The following MARCHF6 variants were observed in gnomAD, a reference collection of about 807,000 sequenced individuals.
MARCHF6 encodes membrane associated ring-CH-type finger 6.
MARCHF6 carries 31 observed loss-of-function variants against 133.7 expected under a neutral mutation model. That is an observed-to-expected ratio of 0.23 (90% CI 0.17 to 0.31). The LOEUF (loss-of-function observed/expected upper bound fraction) is 0.31. MARCHF6 is among the 10% of genes least tolerant of loss of function. The pLI is 1.00. For synonymous variants in MARCHF6, 395 were observed against 402.5 expected (o/e 0.98, Z 0.22); for missense variants, 723 against 1,121.6 (o/e 0.64, Z 5.08).
At chr5:10,388,097 A>G (rs1007560050) in intron 5 of MARCHF6, among the ~76,000 whole-genome samples, 1 of 152,200 alleles carries the variant, frequency 6.6e-6, no homozygotes, top group African/African-American at 2.4e-5. Context: ...GATATTAAGC[A>G]TTGTTGCTTG....
chr5:10,423,881 G>T, intron 23 of MARCHF6, 57 bp downstream of exon 23: 1 of 1,324,670 alleles, frequency 7.5e-7, no homozygotes, highest in South Asian at 1.2e-5. Flanking sequence ...GTTTATGTTT[G>T]GCAGCTATAA....
At position 10,353,882 on chromosome 5, in the gene MARCHF6, C is replaced by T; in HGVS notation, c.-17C>T. 1 of 1,562,062 alleles carries T rather than the reference C, an allele frequency of 6.4e-7. No individual in the cohort carries two copies. The highest frequency in any genetic ancestry group is 1.4e-5 in the African/African-American group (1 of 72,916). ...CGGGAGCCTCGTGGCTGCGTCACCG[C>T]CGCCCCCCCAGACAAGATGGACACC... On this transcript the variant is annotated 5_prime_UTR_variant, in exon 1 of 26. Transcript: ENST00000274140.
intron 1 of MARCHF6, among the ~76,000 whole-genome samples, chr5:10,369,611 C>CG (rs1220102710): frequency 7.6e-5 from 2 of 26,486 alleles, no homozygotes; most frequent in African/African-American, 1.6e-4. Context: ...TTACCCCCCC[C>CG]CCCCCTTGCA....
chr5:10,376,167 T>C (rs952910719), intron 1 of MARCHF6, among the ~76,000 whole-genome samples: 3 of 152,122 alleles, frequency 2.0e-5, no homozygotes, highest in Non-Finnish European at 4.4e-5. Flanking sequence ...CTTTTTGCAA[T>C]AAATCTTGCT....
chr5:10,374,119 AT>A (rs938050503), intron 1 of MARCHF6, among the ~76,000 whole-genome samples: 1 of 152,030 alleles, frequency 6.6e-6, no homozygotes, highest in African/African-American at 2.4e-5. Context: ...TTAATACCCT[AT>A]CTAAAGAATG....
intron 15 of MARCHF6, among the ~76,000 whole-genome samples, 179 bp downstream of exon 15, chr5:10,403,720 T>TGTTTGTTACCAACTGAAACA (rs1738693714): frequency 6.6e-6 from 1 of 152,244 alleles, no homozygotes; most frequent in African/African-American, 2.4e-5. Flanking sequence ...CTGTTTCAGT[T>TGTTTGTTACCAACTGAAACA]GTTTGTCTCC....
At chr5:10,394,706 G>A in intron 8 of MARCHF6, 47 bp from the exon 9 acceptor site, 1 of 1,457,324 alleles carries the variant, frequency 6.9e-7, no homozygotes, top group Non-Finnish European at 9.5e-7. Context: ...AGAATAGAAA[G>A]TTCTGTTGCA....
At chr5:10,410,114 A>G (rs72740444) in intron 17 of MARCHF6, 25 bp from the exon 18 acceptor site, 27,481 of 1,611,212 alleles carry the variant, frequency 0.017, 319 homozygotes, top group Non-Finnish European at 0.019. Flanking sequence ...AATACAATTC[A>G]CATTATAAAT....
chr5:10,416,104 T>C (rs1056896239), intron 21 of MARCHF6, among the ~76,000 whole-genome samples: 3 of 152,248 alleles, frequency 2.0e-5, no homozygotes, highest in Non-Finnish European at 4.4e-5. Context: ...CACATGCTTA[T>C]ATTACTTACT....
intron 21 of MARCHF6, 46 bp downstream of exon 21, chr5:10,415,715 G>T: frequency 1.4e-6 from 2 of 1,450,512 alleles, no homozygotes; most frequent in East Asian, 2.4e-5. Context: ...TAGGAATAGT[G>T]AATATTTTTC....
chr5:10,359,638 A>G (rs554506775), intron 1 of MARCHF6, among the ~76,000 whole-genome samples: 1 of 152,294 alleles, frequency 6.6e-6, no homozygotes, highest in East Asian at 1.9e-4. Context: ...AAGTGGACCC[A>G]TGTAGTTCAA....
At chr5:10,405,453 A>G (rs914841646) in intron 15 of MARCHF6, 105 bp from the exon 16 acceptor site, 2 of 949,000 alleles carry the variant, frequency 2.1e-6, no homozygotes, top group Non-Finnish European at 3.0e-6. Flanking sequence ...CCCACTTTAG[A>G]TGCCAGAATA....
chr5:10,390,558 C>G, intron 6 of MARCHF6, 58 bp downstream of exon 6: 2 of 1,454,458 alleles, frequency 1.4e-6, no homozygotes, highest in Non-Finnish European at 1.9e-6. Flanking sequence ...ATTATTGTTT[C>G]TCTCTGAGAC....
At position 10,402,604 on chromosome 5, in the gene MARCHF6, C is replaced by T. The variant is rs770437126; in HGVS notation, c.1194C>T (p.Ser398=). 1.9e-6 allele frequency: 3 copies of T among 1,611,628 alleles called. No homozygotes were observed. Among genetic ancestry groups the T allele is most frequent in the South Asian group, 2.2e-5 (2 of 91,032 alleles). ...LICGWWLDIC[S]LEMFDATLKD... The stretch of plus-strand genomic sequence containing the variant: ...GTGGTTGGTGGCTGGATATCTGTTC[C>T]TTGGTAAGTTGAGTATTCATTATTG... The change falls in exon 14 of 26, where the codon TCC becomes TCT. Residue 398 remains serine (S), a synonymous_variant. Transcript: ENST00000274140.
chr5:10,356,476 A>C (rs1238767637), intron 1 of MARCHF6, among the ~76,000 whole-genome samples: 1 of 150,628 alleles, frequency 6.6e-6, no homozygotes, highest in East Asian at 1.9e-4. Context: ...GCTCACTGCA[A>C]CCTCCACCTC....
At chr5:10,423,372 G>A (rs1484831079) in intron 22 of MARCHF6, among the ~76,000 whole-genome samples, 5 of 152,184 alleles carry the variant, frequency 3.3e-5, no homozygotes, top group Admixed American at 2.6e-4. Flanking sequence ...GTCTTAATTT[G>A]ACATAAATCA....
At chr5:10,429,814 T>C in intron 24 of MARCHF6, 79 bp from the exon 25 acceptor site, 2 of 1,228,944 alleles carry the variant, frequency 1.6e-6, no homozygotes, top group Non-Finnish European at 2.4e-6. Context: ...AGTCCATTCT[T>C]CTAGGGGAAG....
intron 1 of MARCHF6, among the ~76,000 whole-genome samples, chr5:10,373,541 C>T (rs1458811587): frequency 6.6e-6 from 1 of 152,168 alleles, no homozygotes; most frequent in East Asian, 1.9e-4. Context: ...GCTGTACCCA[C>T]GTGGATGTCA....
chr5:10,402,353 T>C, intron 12 of MARCHF6, 31 bp from the exon 13 acceptor site: 2 of 1,581,634 alleles, frequency 1.3e-6, no homozygotes, highest in Non-Finnish European at 1.7e-6. Flanking sequence ...TACCTTTAAA[T>C]ACTCAGTTTT....
Sources: allele counts gnomAD v4.1 joint callset (sites outside exome capture counted in the v4.1 genomes callset), GRCh38; gene constraint gnomAD v4.1.1; transcripts MANE v1.5; gene names NCBI Gene and HGNC (gene_info 2026-07-23, HGNC 2026-07-21).